Variants in RIMS2 observed in about 807,000 individuals in gnomAD.
The protein encoded by RIMS2 is regulating synaptic membrane exocytosis 2.
A neutral mutation model predicts 174.4 loss-of-function variants in RIMS2; 59 were observed. The observed-to-expected ratio is 0.34, with a 90% CI of 0.27 to 0.42. The LOEUF is 0.42. Among genes scored for constraint, RIMS2 ranks in the 10% least tolerant of loss-of-function variants. RIMS2 has a pLI of 1.00. For synonymous variants in RIMS2, 606 were observed against 572.5 expected (o/e 1.06, Z -0.84); for missense variants, 1,620 against 1,666.3 (o/e 0.97, Z 0.48).
At chr8:103,889,303 T>C (rs879618532) in intron 4 of RIMS2, among the ~76,000 whole-genome samples, 1 of 151,488 alleles carries the variant, frequency 6.6e-6, no homozygotes, top group Non-Finnish European at 1.5e-5. Flanking sequence ...TTTTAAAAAA[T>C]AATCATCACT....
intron 19 of RIMS2, among the ~76,000 whole-genome samples, chr8:104,213,915 G>T (rs1286105107): frequency 6.6e-6 from 1 of 151,312 alleles, no homozygotes; most frequent in Non-Finnish European, 1.5e-5. Context: ...AGAAGAAGAA[G>T]AAGAGAAATA....
chr8:103,513,063 A>C (rs1172116003), intron 1 of RIMS2, among the ~76,000 whole-genome samples: 2 of 152,208 alleles, frequency 1.3e-5, no homozygotes, highest in Non-Finnish European at 2.9e-5. Flanking sequence ...TGTCCAGGTC[A>C]TGTCATTCCT....
chr8:103,501,148 T>C, intron 1 of RIMS2, 86 bp downstream of exon 1: 1 of 1,065,680 alleles, frequency 9.4e-7, no homozygotes, highest in Non-Finnish European at 1.3e-6. Context: ...GCGCCCCAGT[T>C]CGCCGCCCTC....
chr8:103,783,566 T>G (rs1467767904), intron 3 of RIMS2, among the ~76,000 whole-genome samples: 1 of 151,536 alleles, frequency 6.6e-6, no homozygotes, highest in Non-Finnish European at 1.5e-5. Context: ...TGATTTCCAA[T>G]TTCATCCATG....
intron 14 of RIMS2, among the ~76,000 whole-genome samples, chr8:103,945,966 A>G (rs1010966855): frequency 2.0e-5 from 3 of 152,178 alleles, no homozygotes; most frequent in African/African-American, 7.2e-5. Context: ...GCAGTGCACT[A>G]GAGATTGTAG....
chr8:103,915,420 T>C, intron 6 of RIMS2, 75 bp from the exon 10 acceptor site: 1 of 755,806 alleles, frequency 1.3e-6, no homozygotes, highest in Non-Finnish European at 2.2e-6. Flanking sequence ...TTGTTCTAGG[T>C]ATTCTTTTAC....
At chr8:103,773,167 G>C (rs1362430878) in intron 3 of RIMS2, among the ~76,000 whole-genome samples, 3 of 151,570 alleles carry the variant, frequency 2.0e-5, no homozygotes, top group African/African-American at 7.3e-5. Flanking sequence ...CAACAAATTA[G>C]ACTTCATCAA....
chr8:103,903,014 A>G (rs766971367), intron 4 of RIMS2, among the ~76,000 whole-genome samples: 2 of 152,146 alleles, frequency 1.3e-5, no homozygotes, highest in Non-Finnish European at 2.9e-5. Context: ...CCAAGAAGAG[A>G]AATAAAAAAC....
At chr8:103,974,761 G>A (rs1305780983) in intron 15 of RIMS2, among the ~76,000 whole-genome samples, 7 of 152,034 alleles carry the variant, frequency 4.6e-5, no homozygotes, top group South Asian at 2.1e-4. Flanking sequence ...GCAGTGGCAC[G>A]GGCCTGTAGT....
chr8:103,795,193 AT>A (rs1471483305), intron 3 of RIMS2, among the ~76,000 whole-genome samples: 1 of 152,212 alleles, frequency 6.6e-6, no homozygotes, highest in Admixed American at 6.5e-5. Context: ...CCCAAATGTC[AT>A]CAATGATAGA....
At chr8:103,665,885 T>C (rs1004964059) in intron 1 of RIMS2, among the ~76,000 whole-genome samples, 7 of 152,226 alleles carry the variant, frequency 4.6e-5, no homozygotes, top group Admixed American at 2.6e-4. Context: ...AATGTTTTTC[T>C]TCTATGAAGT....
chr8:103,587,024 G>A (rs1324094339), intron 1 of RIMS2, among the ~76,000 whole-genome samples: 1 of 151,886 alleles, frequency 6.6e-6, no homozygotes. Context: ...CCAATCAAAA[G>A]TATTGACTGG....
chr8:104,020,899 G>C (rs555884520), intron 19 of RIMS2, among the ~76,000 whole-genome samples: 1 of 152,070 alleles, frequency 6.6e-6, no homozygotes, highest in African/African-American at 2.4e-5. Context: ...AATTATTGCT[G>C]ACATAATTCT....
chr8:104,167,620 G>A (rs555369912), intron 19 of RIMS2, among the ~76,000 whole-genome samples: 1 of 151,958 alleles, frequency 6.6e-6, no homozygotes, highest in Non-Finnish European at 1.5e-5. Context: ...CCCATTCTGT[G>A]GGTTGTCTAT....
intron 3 of RIMS2, among the ~76,000 whole-genome samples, chr8:103,848,707 T>C (rs930276618): frequency 4.6e-5 from 7 of 152,056 alleles, no homozygotes. Flanking sequence ...ATGGGTTATA[T>C]GGGATTGTGT....
chr8:104,247,855 G>C (rs541566960), intron 20 of RIMS2, among the ~76,000 whole-genome samples: 2 of 152,316 alleles, frequency 1.3e-5, no homozygotes, highest in Admixed American at 6.5e-5. Flanking sequence ...CTAGGCAATA[G>C]CAGCATAGAT....
rs145983776 is a variant in RIMS2 at position 104,145,409 on chromosome 8, A to G, written c.3335-99507A>G. ...ATGTAATACGTCTTTTCCTAGCCAC[A>G]TTGAGCATTTTAAAATATTGCCCAT... is the stretch of plus-strand genomic sequence containing the variant. On this transcript the variant is annotated intron_variant, in intron 19 of 23. Coordinates refer to ENST00000504942, the Ensembl canonical transcript of RIMS2. 1.9e-3 allele frequency among the ~76,000 whole-genome samples: 286 copies of G among 152,214 alleles called. 1 individual carries two copies. Among genetic ancestry groups the G allele is most frequent in the African/African-American group, 6.5e-3 (268 of 41,544 alleles).
chr8:104,134,932 T>C (rs2098505685), intron 19 of RIMS2, among the ~76,000 whole-genome samples: 1 of 152,206 alleles, frequency 6.6e-6, no homozygotes, highest in Admixed American at 6.5e-5. Flanking sequence ...CAAATGGATG[T>C]CTTATTCTTC....
rs553767373 is a variant in RIMS2 at position 103,605,770 on chromosome 8, T to A, written c.177-91316T>A. ...AGGAATTTATCCATTTCTGCTAGAT[T>A]TTCTAGTTTATTTGCATAGAGGTGT... is the stretch of plus-strand genomic sequence containing the variant. On this transcript the variant is annotated intron_variant, in intron 1 of 23. Coordinates refer to ENST00000504942, the Ensembl canonical transcript of RIMS2. Among the ~76,000 whole-genome samples, 14 of 152,062 alleles carry A rather than the reference T, an allele frequency of 9.2e-5. No individual in the cohort carries two copies. In the South Asian group the frequency reaches 2.9e-3, roughly 32 times the overall value.
Sources: allele counts gnomAD v4.1 joint callset (sites outside exome capture counted in the v4.1 genomes callset), GRCh38; gene constraint gnomAD v4.1.1; transcripts MANE v1.5; gene names NCBI Gene and HGNC (gene_info 2026-07-23, HGNC 2026-07-21).